Variants in BTF3L4 observed in about 807,000 individuals in gnomAD.
BTF3L4 encodes basic transcription factor 3 like 4.
Under a neutral mutation model 16.8 loss-of-function variants are expected in BTF3L4, and 6 were observed. The observed-to-expected ratio is 0.36, with a 90% CI of 0.20 to 0.71. The LOEUF is 0.71. Among genes scored for constraint, BTF3L4 ranks in the 30% least tolerant of loss-of-function variants. BTF3L4 has a pLI of 0.58. For missense variants in BTF3L4, 92 were observed against 186.9 expected (o/e 0.49, Z 2.96); for synonymous variants, 39 against 59.8 (o/e 0.65, Z 1.60).
chr1:52,075,023 C>T (rs1686895934), intron 3 of BTF3L4, among the ~76,000 whole-genome samples: 1 of 151,660 alleles, frequency 6.6e-6, no homozygotes, highest in African/African-American at 2.4e-5. Context: ...TCCCAAGGTG[C>T]TAGGATTACG....
At chr1:52,063,796 G>T (rs543881914) in intron 2 of BTF3L4, among the ~76,000 whole-genome samples, 2 of 152,188 alleles carry the variant, frequency 1.3e-5, no homozygotes, top group South Asian at 2.1e-4. Flanking sequence ...CATATCCCAC[G>T]TGTAATCCAT....
chr1:52,081,535 A>T (rs1643922608), intron 3 of BTF3L4, among the ~76,000 whole-genome samples: 1 of 152,328 alleles, frequency 6.6e-6, no homozygotes, highest in Admixed American at 6.5e-5. Context: ...CTAAATGCAG[A>T]GCAACATCCC....
In BTF3L4 at chr1:52,088,576, G is replaced by GCCTTT. The variant is rs1643992354; in HGVS notation, c.*1818_*1819insCCTTT. 2.6e-5 allele frequency: 4 copies of GCCTTT among 152,548 alleles called. No homozygotes were observed. Among genetic ancestry groups the GCCTTT allele is most frequent in the Non-Finnish European group, 5.9e-5 (4 of 68,070 alleles). The allele number at this position is 152,548 out of a possible 1,614,324, so 9.4% of individuals were successfully genotyped here. ...AATTCTTTCTCTAATTGTCCCAAAGGGGGACATTGTGGAGGCAGAGTTAGG... is the reference window on the plus strand; with the variant it reads ...AATTCTTTCTCTAATTGTCCCAAAGGCCTTTGGGACATTGTGGAGGCAGAGTTAGG... On this transcript the variant is annotated 3_prime_UTR_variant, in exon 6 of 6. Transcript: ENST00000313334.
intron 4 of BTF3L4, among the ~76,000 whole-genome samples, chr1:52,085,013 CTTTTTTTTTTT>C (rs764763479): frequency 3.4e-5 from 2 of 58,516 alleles, no homozygotes; most frequent in African/African-American, 1.4e-4. Context: ...TGAAAAAAAT[CTTTTTTTTTTT>C]TTTTTTTTTT....
chr1:52,058,841 C>T (rs1686439979), intron 1 of BTF3L4, among the ~76,000 whole-genome samples: 1 of 152,168 alleles, frequency 6.6e-6, no homozygotes, highest in South Asian at 2.1e-4. Flanking sequence ...CTCAGGTGAT[C>T]CATCCGCCTC....
rs139704773 is a variant in BTF3L4, at chr1:52,081,127, C to T, written c.169-2213C>T. Reference sequence around the variant, plus strand: ...TGTTGGGATTACAGGCCTGAGCCACCGCGCCTGCCCTATTCTTTTATTTTT... The same window carrying T: ...TGTTGGGATTACAGGCCTGAGCCACTGCGCCTGCCCTATTCTTTTATTTTT... On this transcript the variant is annotated intron_variant, in intron 3 of 5. Coordinates refer to ENST00000313334, the MANE Select transcript of BTF3L4 (RefSeq NM_152265.5). Among the ~76,000 whole-genome samples, 579 of 152,012 alleles carry T rather than the reference C, an allele frequency of 3.8e-3. 6 individuals are homozygous for T. The highest frequency in any genetic ancestry group is 0.013 in the African/African-American group (554 of 41,470).
At chr1:52,084,794 T>TAA (rs775717822) in intron 4 of BTF3L4, among the ~76,000 whole-genome samples, 8 of 139,578 alleles carry the variant, frequency 5.7e-5, no homozygotes, top group East Asian at 2.1e-4. Flanking sequence ...ACCCTGTCTC[T>TAA]AAAAAAAAAA....
At chr1:52,058,177 T>C (rs1452634187) in intron 1 of BTF3L4, among the ~76,000 whole-genome samples, 1 of 152,228 alleles carries the variant, frequency 6.6e-6, no homozygotes, top group Non-Finnish European at 1.5e-5. Flanking sequence ...TTTAAGTCTA[T>C]GGCAGAGCTA....
At chr1:52,086,456 T>C (rs1643973753) in intron 5 of BTF3L4, 2 of 480,574 alleles carry the variant, frequency 4.2e-6, no homozygotes, top group Admixed American at 3.9e-5. Context: ...GAATTATAAT[T>C]GACATATGAA....
chr1:52,085,801 C>A (rs1643966900), intron 4 of BTF3L4, among the ~76,000 whole-genome samples: 1 of 151,990 alleles, frequency 6.6e-6, no homozygotes, highest in Admixed American at 6.6e-5. Flanking sequence ...GCCAAGATCG[C>A]ATCACTACAC....
At chr1:52,082,596 A>T (rs142092278) in intron 3 of BTF3L4, among the ~76,000 whole-genome samples, 1 of 152,078 alleles carries the variant, frequency 6.6e-6, no homozygotes, top group Non-Finnish European at 1.5e-5. Context: ...TTAGCTGGGC[A>T]TAGTGGCATG....
At chr1:52,064,139 T>C (rs1329867424) in intron 2 of BTF3L4, among the ~76,000 whole-genome samples, 2 of 152,218 alleles carry the variant, frequency 1.3e-5, no homozygotes, top group African/African-American at 4.8e-5. Flanking sequence ...ATTTTCTCTC[T>C]TCTAGAAAGG....
rs899694444 is a variant in BTF3L4 at position 52,058,819 on chromosome 1, C to T, written c.-13-1016C>T. Among the ~76,000 whole-genome samples the T allele has an allele frequency of 9.2e-5, 14 of 152,254 alleles. No homozygotes were observed. The South Asian group carries it at 2.3e-3, about 25-fold the overall frequency. On this transcript the variant is annotated intron_variant, in intron 1 of 5. Transcript: ENST00000313334. Reference sequence around the variant, plus strand: ...TTCTCCATGTTGGTCAGGCTGGCCTCGAACTCCCGACCTCAGGTGATCCAT... The same window carrying T: ...TTCTCCATGTTGGTCAGGCTGGCCTTGAACTCCCGACCTCAGGTGATCCAT...
At chr1:52,081,572 G>A (rs1272049137) in intron 3 of BTF3L4, among the ~76,000 whole-genome samples, 2 of 152,034 alleles carry the variant, frequency 1.3e-5, no homozygotes, top group African/African-American at 2.4e-5. Flanking sequence ...CATCCTTCTC[G>A]AGCCCAGATT....
intron 3 of BTF3L4, chr1:52,065,310 A>C (rs945813134): frequency 6.7e-6 from 1 of 150,070 alleles, no homozygotes; most frequent in African/African-American, 2.6e-5. Flanking sequence ...CTGTCACCCT[A>C]GCTGGAATGC....
At chr1:52,084,961 G>A (rs1294114962) in intron 4 of BTF3L4, among the ~76,000 whole-genome samples, 1 of 148,748 alleles carries the variant, frequency 6.7e-6, no homozygotes, top group Non-Finnish European at 1.5e-5. Flanking sequence ...GTATTGTAGT[G>A]CCCATACTAC....
intron 1 of BTF3L4, among the ~76,000 whole-genome samples, chr1:52,058,281 G>A (rs1456472291): frequency 6.6e-6 from 1 of 152,208 alleles, no homozygotes; most frequent in African/African-American, 2.4e-5. Flanking sequence ...GTGATACAGC[G>A]CTGAGCAGAG....
At position 52,075,669 on chromosome 1, in the gene BTF3L4, A is replaced by G. The variant is rs868144922; in HGVS notation, c.169-7671A>G. On this transcript the variant is annotated intron_variant, in intron 3 of 5. Transcript: ENST00000313334. Reference sequence around the variant, plus strand: ...TAATAAAATATATGTATATTTTTATATATATAAATCTGAGTTCTTTCAACT... The same window carrying G: ...TAATAAAATATATGTATATTTTTATGTATATAAATCTGAGTTCTTTCAACT... 3.7e-4 allele frequency among the ~76,000 whole-genome samples: 56 copies of G among 149,496 alleles called. 1 individual carries two copies. Among genetic ancestry groups the G allele is most frequent in the African/African-American group, 1.4e-3 (56 of 41,050 alleles).
chr1:52,058,301 A>G (rs955858431), intron 1 of BTF3L4, among the ~76,000 whole-genome samples: 2 of 152,268 alleles, frequency 1.3e-5, no homozygotes, highest in African/African-American at 2.4e-5. Flanking sequence ...GTGAAGAATC[A>G]TAAATTCTAA....
Sources: gnomAD v4.1 joint callset for allele counts (sites outside exome capture counted in the v4.1 genomes callset) on GRCh38, gnomAD v4.1.1 for gene constraint, MANE v1.5 for transcripts, NCBI Gene and HGNC (gene_info 2026-07-23, HGNC 2026-07-21) for gene names.